DMXL1: variants seen among roughly 807,000 people sequenced by gnomAD.
DMXL1 encodes the protein dmX-like protein 1.
In DMXL1, 99 loss-of-function variants were observed where a neutral mutation model predicts 319.2. The ratio of observed to expected loss-of-function variants is 0.31; its 90% CI spans 0.26 to 0.37. DMXL1 has a LOEUF of 0.37. Among genes scored for constraint, DMXL1 ranks in the 10% least tolerant of loss-of-function variants. The probability of loss-of-function intolerance (pLI) is 1.00; values close to 1 mark genes in which losing one functional copy is unlikely to be tolerated. For synonymous variants in DMXL1, 1,385 were observed against 1,235.2 expected (o/e 1.12, Z -2.54); for missense variants, 3,745 against 3,595.6 (o/e 1.04, Z -1.06).
chr5:119,150,094 T>G lies in DMXL1; in HGVS notation c.4267T>G (p.Leu1423Val). Residue 1423 changes from leucine to valine, a missense_variant, in exon 18 of 44, where the codon TTG (leucine) becomes GTG (valine). Transcript: ENST00000539542. Reference sequence around the variant, plus strand: ...AGATGATGATAGCTGTTACTCATCTTTGGAGAAATCTAGTAATGAGAGTAC... The same window carrying G: ...AGATGATGATAGCTGTTACTCATCTGTGGAGAAATCTAGTAATGAGAGTAC... ...AADDDSCYSS[L>V]EKSSNESTLS... The G allele has an allele frequency of 6.2e-7, 1 of 1,613,866 alleles. No homozygotes were observed. Among genetic ancestry groups the G allele is most frequent in the Non-Finnish European group, 8.5e-7 (1 of 1,179,882 alleles).
chr5:119,245,052 G>A (rs960201832), intron 43 of DMXL1, among the ~76,000 whole-genome samples: 1 of 152,076 alleles, frequency 6.6e-6, no homozygotes, highest in Non-Finnish European at 1.5e-5. Flanking sequence ...CTTAAGACAG[G>A]TTTTTTCAAA....
At position 119,111,492 on chromosome 5, in the gene DMXL1, A is replaced by G. The variant is rs139681050; in HGVS notation, c.497+1209A>G. Among the ~76,000 whole-genome samples the G allele has an allele frequency of 2.0e-4, 31 of 152,330 alleles. 1 individual carries two copies. Among genetic ancestry groups the G allele is most frequent in the African/African-American group, 7.0e-4 (29 of 41,574 alleles). ...AAATGTGGCTGATAGGAAATTTAAA[A>G]TTACATATTTGGCTAACATTTGTCA... On this transcript the variant is annotated intron_variant, in intron 5 of 43. Coordinates refer to ENST00000539542, the MANE Select transcript of DMXL1 (RefSeq NM_001290321.3).
At chr5:119,119,452 T>C (rs567468990) in intron 8 of DMXL1, among the ~76,000 whole-genome samples, 6 of 152,274 alleles carry the variant, frequency 3.9e-5, no homozygotes, top group South Asian at 2.1e-4. Flanking sequence ...TTTTTGGACA[T>C]GCTAAAGGTA....
chr5:119,149,835 TG>T lies in DMXL1; in HGVS notation c.4010del (p.Gly1337ValfsTer24). On this transcript the variant is annotated frameshift_variant, in exon 18 of 44. Transcript: ENST00000539542. LOFTEE classifies it high-confidence loss of function. ...PLQLLELMDLGKVRRAKAILS... is the reference protein window; with the variant it reads ...PLQLLELMDLXKVRRAKAILS... The stretch of plus-strand genomic sequence containing the variant: ...TGCAGCTTTTGGAACTCATGGATCT[TG>T]GTAAAGTTCGGAGAGCCAAGGCCAT... The T allele has an allele frequency of 6.2e-7, 1 of 1,613,904 alleles. No homozygotes were observed. The highest frequency in any genetic ancestry group is 1.1e-5 in the South Asian group (1 of 91,076).
intron 37 of DMXL1, among the ~76,000 whole-genome samples, chr5:119,223,144 C>T (rs534885913): frequency 6.6e-6 from 1 of 150,732 alleles, no homozygotes; most frequent in Non-Finnish European, 1.5e-5. Flanking sequence ...GCAACCTCCA[C>T]CCCACAGGTT....
chr5:119,227,352 A>C (rs997020838), intron 38 of DMXL1, among the ~76,000 whole-genome samples: 1 of 152,300 alleles, frequency 6.6e-6, no homozygotes, highest in Admixed American at 6.5e-5. Flanking sequence ...TAGCTGAGTA[A>C]AAGTGAAGTC....
intron 1 of DMXL1, among the ~76,000 whole-genome samples, chr5:119,085,632 G>C (rs1047973760): frequency 6.6e-6 from 1 of 152,052 alleles, no homozygotes; most frequent in Non-Finnish European, 1.5e-5. Context: ...TATCATTTGT[G>C]AACAAGGCTA....
intron 1 of DMXL1, among the ~76,000 whole-genome samples, chr5:119,091,643 T>C (rs942283967): frequency 6.6e-6 from 1 of 152,220 alleles, no homozygotes; most frequent in Non-Finnish European, 1.5e-5. Flanking sequence ...CTGCCCCTTT[T>C]TAGGCTCCAG....
At chr5:119,212,752 AT>A (rs558937514) in intron 34 of DMXL1, among the ~76,000 whole-genome samples, 13 of 150,270 alleles carry the variant, frequency 8.7e-5, no homozygotes, top group Admixed American at 4.0e-4. Flanking sequence ...ATTCATTGTG[AT>A]TTTTTTTTTA....
intron 38 of DMXL1, among the ~76,000 whole-genome samples, chr5:119,228,085 G>A (rs146261164): frequency 1.3e-5 from 2 of 152,164 alleles, no homozygotes; most frequent in Admixed American, 1.3e-4. Context: ...TCTTCAATAA[G>A]TTATTCAGCC....
At chr5:119,122,150 C>T (rs1762256674) in intron 9 of DMXL1, among the ~76,000 whole-genome samples, 1 of 138,014 alleles carries the variant, frequency 7.2e-6, no homozygotes, top group Admixed American at 6.9e-5. Context: ...ACCCCCCCAC[C>T]TCCCTCCCAG....
chr5:119,177,982 G>T lies in DMXL1; in HGVS notation c.6887-14G>T. On this transcript the variant is annotated splice_polypyrimidine_tract_variant and intron_variant, in intron 27 of 43. Transcript: ENST00000539542. ...TTTATAGTCAGTGACAGCTATGTTTGTTTGTCGTTCTAGGAATAACTTGTC... is the reference window on the plus strand; with the variant it reads ...TTTATAGTCAGTGACAGCTATGTTTTTTTGTCGTTCTAGGAATAACTTGTC... 6.3e-7 allele frequency: 1 copy of T among 1,578,106 alleles called. No homozygotes were observed. The highest frequency in any genetic ancestry group is 8.6e-7 in the Non-Finnish European group (1 of 1,161,028).
intron 32 of DMXL1, 55 bp from the exon 33 acceptor site, chr5:119,203,264 A>C: frequency 8.7e-7 from 1 of 1,148,792 alleles, no homozygotes; most frequent in Non-Finnish European, 1.2e-6. Context: ...AATTGTTATC[A>C]AGTTAGTCAG....
intron 13 of DMXL1, among the ~76,000 whole-genome samples, chr5:119,143,486 G>C (rs1767867407): frequency 6.6e-6 from 1 of 151,926 alleles, no homozygotes; most frequent in South Asian, 2.1e-4. Flanking sequence ...ATGTAATCTT[G>C]TTTCTTTAGC....
Position 119,197,819 on chromosome 5 carries a change from T to C in DMXL1, c.7608T>C (p.Val2536=). ...VLKTLQCWEQ[V]LLRRLEIHGG... ...AAACTCTTCAATGTTGGGAACAAGT[T>C]CTTCTCCGACGACTTGAAATCCATG... is the stretch of plus-strand genomic sequence containing the variant. The change falls in exon 32 of 44, where the codon GTT becomes GTC. Residue 2536 remains valine (V), a synonymous_variant. Transcript: ENST00000539542. 1 of 1,614,194 alleles carries C rather than the reference T, an allele frequency of 6.2e-7. No individual in the cohort carries two copies. The highest frequency in any genetic ancestry group is 8.5e-7 in the Non-Finnish European group (1 of 1,180,020).
At chr5:119,073,691 A>T (rs948881109) in intron 1 of DMXL1, among the ~76,000 whole-genome samples, 1 of 152,136 alleles carries the variant, frequency 6.6e-6, no homozygotes, top group Admixed American at 6.5e-5. Flanking sequence ...CTAAAAATAA[A>T]TTTTTAAGTA....
At chr5:119,099,905 G>A (rs577199545) in intron 2 of DMXL1, among the ~76,000 whole-genome samples, 2 of 152,280 alleles carry the variant, frequency 1.3e-5, no homozygotes, top group East Asian at 3.9e-4. Flanking sequence ...GGAAGCTGAG[G>A]CGGGAGAATC....
At chr5:119,233,701 T>C (rs1246858870) in intron 39 of DMXL1, among the ~76,000 whole-genome samples, 1 of 152,204 alleles carries the variant, frequency 6.6e-6, no homozygotes, top group East Asian at 1.9e-4. Context: ...CAAACGATTA[T>C]AAGTTCACCT....
intron 14 of DMXL1, 61 bp from the exon 15 acceptor site, chr5:119,144,475 C>A (rs1197239843): frequency 1.7e-6 from 2 of 1,166,066 alleles, no homozygotes; most frequent in Non-Finnish European, 2.5e-6. Flanking sequence ...ATTTTTCTGG[C>A]TATTTAGCAT....
Sources: gnomAD v4.1 joint callset for allele counts (sites outside exome capture counted in the v4.1 genomes callset) on GRCh38, gnomAD v4.1.1 for gene constraint, MANE v1.5 for transcripts, NCBI Gene and HGNC (gene_info 2026-07-23, HGNC 2026-07-21) for gene names.